SLC25A33: variants seen among roughly 807,000 people sequenced by gnomAD.
SLC25A33 encodes bone marrow stromal cell mitochondrial carrier protein.
A neutral mutation model predicts 35.5 loss-of-function variants in SLC25A33; 15 were observed. That is an observed-to-expected ratio of 0.42 (90% CI 0.28 to 0.65). SLC25A33 has a LOEUF of 0.65. SLC25A33 is among the 30% of genes least tolerant of loss of function. The pLI, the probability that SLC25A33 is intolerant of heterozygous loss-of-function variation, is 0.20. For missense variants in SLC25A33, 257 were observed against 398.5 expected, an observed-to-expected ratio of 0.64 and a Z score of 3.02; for synonymous variants, 136 against 148.7, an observed-to-expected ratio of 0.91 and a Z score of 0.62.
intron 2 of SLC25A33, among the ~76,000 whole-genome samples, chr1:9,566,892 G>C (rs1004585570): frequency 2.0e-5 from 3 of 151,890 alleles, no homozygotes; most frequent in Non-Finnish European, 1.5e-5. Flanking sequence ...GCTGGGTGTG[G>C]TGGTGAGTGC....
intron 6 of SLC25A33, among the ~76,000 whole-genome samples, chr1:9,581,976 T>C (rs1157425201): frequency 6.6e-6 from 1 of 152,048 alleles, no homozygotes; most frequent in Non-Finnish European, 1.5e-5. Context: ...CAGGCTGGAG[T>C]GTAGTGGCAC....
chr1:9,558,487 G>A (rs1295024879), intron 2 of SLC25A33, among the ~76,000 whole-genome samples: 2 of 152,114 alleles, frequency 1.3e-5, no homozygotes, highest in Non-Finnish European at 1.5e-5. Flanking sequence ...CGCTCCATCC[G>A]GCTGCCTGTT....
At chr1:9,555,828 G>A (rs1308691351) in intron 2 of SLC25A33, among the ~76,000 whole-genome samples, 1 of 152,150 alleles carries the variant, frequency 6.6e-6, no homozygotes, top group African/African-American at 2.4e-5. Flanking sequence ...GGGATCACAG[G>A]CATGCACCAC....
chr1:9,571,901 A>G (rs1643595609), intron 4 of SLC25A33, among the ~76,000 whole-genome samples: 1 of 152,154 alleles, frequency 6.6e-6, no homozygotes, highest in Non-Finnish European at 1.5e-5. Flanking sequence ...TTAGCCTCCT[A>G]GAGTGCTGGG....
rs1206469694 is a variant in SLC25A33, at chr1:9,553,607, G to C, written c.57-19G>C. 1 of 1,612,306 alleles carries C rather than the reference G, an allele frequency of 6.2e-7. No homozygotes were observed. Among genetic ancestry groups the C allele is most frequent in the East Asian group, 2.2e-5 (1 of 44,876 alleles). ...GGGAATAGTATAGCTTCTCTGATCTGCTTTGGTTTCCCTTACAGGTGTGGA... is the reference window on the plus strand; with the variant it reads ...GGGAATAGTATAGCTTCTCTGATCTCCTTTGGTTTCCCTTACAGGTGTGGA... On this transcript the variant is annotated intron_variant, in intron 1 of 6. Coordinates refer to ENST00000302692, the MANE Select transcript of SLC25A33 (RefSeq NM_032315.3).
At chr1:9,541,669 A>C (rs1643083789) in intron 1 of SLC25A33, among the ~76,000 whole-genome samples, 1 of 150,444 alleles carries the variant, frequency 6.6e-6, no homozygotes, top group Admixed American at 6.7e-5. Flanking sequence ...TTTCTTGGGA[A>C]TTTTAAACAA....
Position 9,584,026 on chromosome 1 carries a change from C to T in SLC25A33, c.*1525C>T, listed in dbSNP as rs1019422669. The T allele has an allele frequency of 6.6e-6, 1 of 151,792 alleles. No individual in the cohort carries two copies. The highest frequency in any genetic ancestry group is 2.4e-5 in the African/African-American group (1 of 41,286). 9.4% of individuals were successfully genotyped at this position (151,792 alleles called of 1,614,324 possible). On this transcript the variant is annotated 3_prime_UTR_variant, in exon 7 of 7. Transcript: ENST00000302692. ...AAAAAAAAAACCAGGATGTTACCCC[C>T]TTGGTTTTAAAGCAAATTTAATAAG...
chr1:9,566,980 A>G (rs914764427), intron 2 of SLC25A33, among the ~76,000 whole-genome samples: 6 of 152,106 alleles, frequency 3.9e-5, no homozygotes, highest in Admixed American at 3.9e-4. Flanking sequence ...GTGAGCCGAG[A>G]TCATGTTACT....
chr1:9,552,130 A>T (rs1176453253), intron 1 of SLC25A33, among the ~76,000 whole-genome samples: 1 of 152,250 alleles, frequency 6.6e-6, no homozygotes, highest in African/African-American at 2.4e-5. Context: ...ACCCTGATCC[A>T]GAGAGACAGT....
intron 6 of SLC25A33, among the ~76,000 whole-genome samples, chr1:9,580,946 AT>A (rs937126340): frequency 1.3e-5 from 2 of 151,466 alleles, no homozygotes; most frequent in South Asian, 2.1e-4. Flanking sequence ...GGGTAAGTTT[AT>A]TTTTTTGAGT....
At chr1:9,556,646 G>GC (rs199607544) in intron 2 of SLC25A33, among the ~76,000 whole-genome samples, 3,178 of 151,410 alleles carry the variant, frequency 0.021, 105 homozygotes, top group African/African-American at 0.072. Context: ...AGTAAATCCA[G>GC]CCCCCCCCAT....
intron 1 of SLC25A33, among the ~76,000 whole-genome samples, chr1:9,540,748 G>GGAACATAT (rs1557521507): frequency 6.6e-6 from 1 of 152,162 alleles, no homozygotes; most frequent in Non-Finnish European, 1.5e-5. Context: ...AGTAGTTGCA[G>GGAACATAT]CCTGGATTCC....
rs952247399 is a variant in SLC25A33 at position 9,578,396 on chromosome 1, G to A, written c.483-1558G>A. ...TCGGAGGGGTCTGTGATGTGTGACC[G>A]GTGCACACCTAACTACACTCATCTG... On this transcript the variant is annotated intron_variant, in intron 5 of 6. Transcript: ENST00000302692. The surrounding 1 kb of genome is among the most constrained non-coding windows in gnomAD (Gnocchi z 4.3). 2.0e-5 allele frequency among the ~76,000 whole-genome samples: 3 copies of A among 152,180 alleles called. No individual in the cohort carries two copies. The highest frequency in any genetic ancestry group is 1.9e-4 in the East Asian group (1 of 5,200).
chr1:9,539,581 G>C lies in SLC25A33; in HGVS notation c.-111G>C. 1 of 824,778 alleles carries C rather than the reference G, an allele frequency of 1.2e-6. No homozygotes were observed. The highest frequency in any genetic ancestry group is 1.6e-6 in the Non-Finnish European group (1 of 625,190). The allele number at this position is 824,778 out of a possible 1,614,324, so 51.1% of individuals were successfully genotyped here. ...CCCGCGCGCGCATGGAGGCGTTGCCGGCAGCCCCCTGAGGGCAGCGGGGAG... is the reference window on the plus strand; with the variant it reads ...CCCGCGCGCGCATGGAGGCGTTGCCCGCAGCCCCCTGAGGGCAGCGGGGAG... On this transcript the variant is annotated 5_prime_UTR_variant, in exon 1 of 7. Transcript: ENST00000302692.
rs1249063727 is a variant in SLC25A33 at position 9,583,976 on chromosome 1, C to CA, written c.*1476dup. 6.9e-6 allele frequency: 1 copy of CA among 144,592 alleles called. No homozygotes were observed. The highest frequency in any genetic ancestry group is 7.1e-5 in the Admixed American group (1 of 14,146). The allele number at this position is 144,592 out of a possible 1,614,324, so 9.0% of individuals were successfully genotyped here. A position where few individuals can be genotyped will look rare whatever the true frequency, so the allele number is the denominator to read the frequency against. ...CGCCACTGCACTCCAGCCTGGGCCA[C>CA]AGAGTGCGACTCCATCTCAAAAAAA... On this transcript the variant is annotated 3_prime_UTR_variant, in exon 7 of 7. Coordinates refer to ENST00000302692, the MANE Select transcript of SLC25A33 (RefSeq NM_032315.3).
At chr1:9,574,740 G>A (rs1643636827) in intron 5 of SLC25A33, among the ~76,000 whole-genome samples, 2 of 152,076 alleles carry the variant, frequency 1.3e-5, no homozygotes, top group South Asian at 2.1e-4. Context: ...AACTATGAAG[G>A]TGGCTTTAAT....
At chr1:9,540,844 G>A (rs1643068656) in intron 1 of SLC25A33, among the ~76,000 whole-genome samples, 1 of 152,142 alleles carries the variant, frequency 6.6e-6, no homozygotes. Flanking sequence ...AGCTTTTTTT[G>A]TACTTGTATT....
chr1:9,564,742 ATATATATATAT>A (rs1557531711), intron 2 of SLC25A33, among the ~76,000 whole-genome samples: 7 of 86,180 alleles, frequency 8.1e-5, no homozygotes, highest in South Asian at 4.1e-4. Context: ...AAAAAAAAAT[ATATATATATAT>A]ATATATATAT....
chr1:9,555,280 G>A (rs2100382709), intron 2 of SLC25A33, among the ~76,000 whole-genome samples: 1 of 152,000 alleles, frequency 6.6e-6, no homozygotes, highest in Non-Finnish European at 1.5e-5. Context: ...ATCACACCCA[G>A]CTAATTTTTT....
Sources: gnomAD v4.1 joint callset for allele counts (sites outside exome capture counted in the v4.1 genomes callset) on GRCh38, gnomAD v4.1.1 for gene constraint, Gnocchi (gnomAD v3.1) non-coding constraint, MANE v1.5 for transcripts, NCBI Gene and HGNC (gene_info 2026-07-23, HGNC 2026-07-21) for gene names.